FGF13: variants seen among roughly 807,000 people sequenced by gnomAD.
FGF13 encodes fibroblast growth factor homologous factor 2.
In FGF13, 2 loss-of-function variants were observed where a neutral mutation model predicts 19.5. The observed-to-expected ratio is 0.10, with a 90% CI of 0.04 to 0.32. The LOEUF is 0.32. Ranked by LOEUF, FGF13 falls within the 10% of genes least tolerant of loss-of-function variation. The probability of loss-of-function intolerance (pLI) is 1.00; values close to 1 mark genes in which losing one functional copy is unlikely to be tolerated. For missense variants in FGF13, 113 were observed against 192.7 expected, an observed-to-expected ratio of 0.59 and a Z score of 2.45; for synonymous variants, 72 against 76.9, an observed-to-expected ratio of 0.94 and a Z score of 0.33.
At chrX:138,744,575 T>C (rs184915054) in intron 3 of FGF13, among the ~76,000 whole-genome samples, 1 of 111,727 alleles carries the variant, frequency 9.0e-6, no homozygotes, top group African/African-American at 3.3e-5. Flanking sequence ...CACTTGTCTC[T>C]CTTGTAACCT....
At chrX:138,977,924 T>C (rs1415543185) in intron 1 of FGF13, among the ~76,000 whole-genome samples, 1 of 112,384 alleles carries the variant, frequency 8.9e-6, no homozygotes, top group African/African-American at 3.2e-5. Context: ...TCATATAAAT[T>C]TAACTGTACA....
intron 2 of FGF13, among the ~76,000 whole-genome samples, chrX:138,708,331 G>A (rs756793366): frequency 2.9e-4 from 32 of 111,796 alleles, no homozygotes; most frequent in Non-Finnish European, 5.5e-4. Context: ...ACCCACCTGC[G>A]GAGGTATCTC....
At chrX:138,735,226 T>A (rs970198624) in intron 1 of FGF13, among the ~76,000 whole-genome samples, 12 of 112,074 alleles carry the variant, frequency 1.1e-4, no homozygotes, top group Non-Finnish European at 1.1e-4. Flanking sequence ...ACACTTATAT[T>A]TTGTATTTAC....
intron 1 of FGF13, chrX:138,739,226 C>T: frequency 1.0e-6 from 1 of 987,337 alleles, no homozygotes; most frequent in Non-Finnish European, 1.4e-6. Flanking sequence ...AAAAACATTG[C>T]AGAAATAAAT....
At chrX:139,096,431 G>C (rs751853748) in intron 1 of FGF13, among the ~76,000 whole-genome samples, 216 of 111,614 alleles carry the variant, frequency 1.9e-3, no homozygotes, top group African/African-American at 6.6e-3. Flanking sequence ...GGTTATGAAA[G>C]TTAAGAATAT....
chrX:138,801,944 T>C (rs910813464), intron 3 of FGF13, among the ~76,000 whole-genome samples: 8 of 111,737 alleles, frequency 7.2e-5, no homozygotes, highest in Admixed American at 2.8e-4. Context: ...CCAAGCTTCA[T>C]TGTCTCAGGT....
intron 3 of FGF13, among the ~76,000 whole-genome samples, chrX:138,783,067 G>T (rs1211486450): frequency 2.1e-5 from 2 of 96,843 alleles, no homozygotes; most frequent in African/African-American, 7.9e-5. Flanking sequence ...ATGGGGAAAG[G>T]ATTCCCTATT....
intron 1 of FGF13, among the ~76,000 whole-genome samples, chrX:139,182,590 C>T (rs2084249176): frequency 8.9e-6 from 1 of 112,036 alleles, no homozygotes; most frequent in African/African-American, 3.2e-5. Context: ...AACACATTAT[C>T]TTTTATCTGT....
At chrX:138,747,267 G>T (rs1485177926) in intron 3 of FGF13, among the ~76,000 whole-genome samples, 1 of 111,602 alleles carries the variant, frequency 9.0e-6, no homozygotes, top group Non-Finnish European at 1.9e-5. Flanking sequence ...AGCAGGGTAG[G>T]CCTGGAGGAA....
chrX:138,667,023 G>C (rs2089554645), intron 3 of FGF13, among the ~76,000 whole-genome samples: 1 of 108,449 alleles, frequency 9.2e-6, no homozygotes, highest in Non-Finnish European at 1.9e-5. Flanking sequence ...GGTATGCATA[G>C]TTATTCCAAA....
chrX:139,188,329 G>C (rs767577332), intron 1 of FGF13, among the ~76,000 whole-genome samples: 3 of 112,408 alleles, frequency 2.7e-5, no homozygotes, highest in South Asian at 3.6e-4. Context: ...CCACCAATGG[G>C]AAATAATATA....
rs180931862 is a variant in FGF13 at position 139,012,378 on chromosome X, C to A, written c.-112-147728G>T. ...ATTCAGATGGGACCAAAAAAAGAGC[C>A]CACATAGCCAAAGCAAGACTAAGCA... On this transcript the variant is annotated intron_variant, in intron 1 of 2. Transcript: ENST00000421460. Among the ~76,000 whole-genome samples, 370 of 110,962 alleles carry A rather than the reference C, an allele frequency of 3.3e-3. 2 individuals are homozygous for A. The highest frequency in any genetic ancestry group is 0.011 in the African/African-American group (347 of 30,570).
chrX:139,150,852 T>C (rs1481655872), intron 1 of FGF13, among the ~76,000 whole-genome samples: 2 of 111,735 alleles, frequency 1.8e-5, no homozygotes, highest in Non-Finnish European at 3.8e-5. Context: ...ACTCCATTAC[T>C]GTAGTAACCT....
chrX:138,780,803 C>A (rs1446629276), intron 3 of FGF13, among the ~76,000 whole-genome samples: 2 of 110,992 alleles, frequency 1.8e-5, no homozygotes, highest in Non-Finnish European at 3.8e-5. Flanking sequence ...CTCACCTCTG[C>A]ACCAAGCGGA....
chrX:139,054,115 G>GC (rs200374834), intron 1 of FGF13, among the ~76,000 whole-genome samples: 8 of 85,033 alleles, frequency 9.4e-5, no homozygotes, highest in African/African-American at 3.7e-4. Flanking sequence ...TGGTCTACGT[G>GC]CCTTTTTTTT....
At chrX:139,200,037 C>T (rs2084403349) in intron 1 of FGF13, among the ~76,000 whole-genome samples, 1 of 112,060 alleles carries the variant, frequency 8.9e-6, no homozygotes, top group Non-Finnish European at 1.9e-5. Context: ...TCTCCCTGGT[C>T]ACACCTCCTT....
At chrX:139,150,797 TAA>T (rs1445881130) in intron 1 of FGF13, among the ~76,000 whole-genome samples, 2 of 111,696 alleles carry the variant, frequency 1.8e-5, no homozygotes, top group African/African-American at 6.5e-5. Context: ...GCAGTGAACC[TAA>T]GAGATACAAG....
At chrX:138,674,721 G>C (rs1246739664) in intron 3 of FGF13, among the ~76,000 whole-genome samples, 1 of 111,005 alleles carries the variant, frequency 9.0e-6, no homozygotes, top group Non-Finnish European at 1.9e-5. Context: ...AATGGAGATG[G>C]GGCAGAGGGC....
chrX:138,843,072 C>T (rs2091160232), intron 3 of FGF13, among the ~76,000 whole-genome samples: 1 of 111,482 alleles, frequency 9.0e-6, no homozygotes, highest in African/African-American at 3.3e-5. Context: ...AAATAGGTAA[C>T]ATTCCATAAA....
Sources: gnomAD v4.1 joint callset for allele counts (sites outside exome capture counted in the v4.1 genomes callset) on GRCh38, gnomAD v4.1.1 for gene constraint, MANE v1.5 for transcripts, NCBI Gene and HGNC (gene_info 2026-07-23, HGNC 2026-07-21) for gene names.